Variants in MTHFSD observed in about 807,000 individuals in gnomAD.
MTHFSD encodes methenyltetrahydrofolate synthetase domain containing, also known as methenyltetrahydrofolate synthase domain-containing protein.
MTHFSD carries 37 observed loss-of-function variants against 31.1 expected under a neutral mutation model. That is an observed-to-expected ratio of 1.19 (90% CI 0.91 to 1.56). The LOEUF (loss-of-function observed/expected upper bound fraction) is 1.56, where lower values mean the gene tolerates loss of function less well. Ranked by LOEUF, MTHFSD falls within the 40% of genes most tolerant of loss-of-function variation. The pLI is 0.00. For synonymous variants in MTHFSD, 221 were observed against 206.9 expected (o/e 1.07, Z -0.59); for missense variants, 664 against 510.1 (o/e 1.30, Z -2.91).
Position 86,542,247 on chromosome 16 carries a change from G to A in MTHFSD, c.443-34C>T, listed in dbSNP as rs374890032. 49 of 1,560,426 alleles carry A rather than the reference G, an allele frequency of 3.1e-5. No homozygotes were observed. Among genetic ancestry groups the A allele is most frequent in the African/African-American group, 1.9e-4 (14 of 73,504 alleles). ...CAACCGAGAATCAGTATCGCTGTGCGGTCCGGGGCATCGCTGAGAAGTGGA... is the reference window on the plus strand; with the variant it reads ...CAACCGAGAATCAGTATCGCTGTGCAGTCCGGGGCATCGCTGAGAAGTGGA... On this transcript the variant is annotated intron_variant, in intron 5 of 7. Coordinates refer to ENST00000360900, the MANE Select transcript of MTHFSD (RefSeq NM_001159377.2). The surrounding 1 kb of genome is among the most constrained non-coding windows in gnomAD (Gnocchi z 4.6).
chr16:86,531,243 C>G lies in MTHFSD; in HGVS notation c.*768G>C, dbSNP rs1022526068. ...CTCAAGCTGGTTTTTAGAAACAGAA[C>G]TGGAGGAAAAAAACCCAGAAAACAT... On this transcript the variant is annotated 3_prime_UTR_variant, in exon 8 of 8. Coordinates refer to ENST00000360900, the MANE Select transcript of MTHFSD (RefSeq NM_001159377.2). The surrounding 1 kb of genome is among the most constrained non-coding windows in gnomAD (Gnocchi z 5.5). The G allele has an allele frequency of 6.6e-6, 1 of 152,186 alleles. No homozygotes were observed. Among genetic ancestry groups the G allele is most frequent in the African/African-American group, 2.4e-5 (1 of 41,436 alleles). 9.4% of individuals were successfully genotyped at this position (152,186 alleles called of 1,614,324 possible).
At chr16:86,547,522 T>C (rs900169775) in intron 4 of MTHFSD, 1 of 986,800 alleles carries the variant, frequency 1.0e-6, no homozygotes, top group Non-Finnish European at 1.2e-6. Flanking sequence ...CAGGAAACCC[T>C]GTGTTCTCAT....
rs2143249998 is a variant in MTHFSD at position 86,530,821 on chromosome 16, A to G, written c.*1190T>C. The G allele has an allele frequency of 6.6e-6, 1 of 152,320 alleles. No homozygotes were observed. The highest frequency in any genetic ancestry group is 2.1e-4 in the South Asian group (1 of 4,830). 9.4% of individuals were successfully genotyped at this position (152,320 alleles called of 1,614,324 possible). A position where few individuals can be genotyped will look rare whatever the true frequency, so the allele number is the denominator to read the frequency against. ...CAAGGACACAGAGGGCCGAGGGCCC[A>G]GGGCCAGGTGTGGCGCTTCCAGACG... is the stretch of plus-strand genomic sequence containing the variant. On this transcript the variant is annotated 3_prime_UTR_variant, in exon 8 of 8. Coordinates refer to ENST00000360900, the MANE Select transcript of MTHFSD (RefSeq NM_001159377.2).
chr16:86,554,915 C>G (rs1321880398), intron 1 of MTHFSD, 164 bp from the exon 2 acceptor site: 2 of 1,094,702 alleles, frequency 1.8e-6, no homozygotes, highest in East Asian at 2.6e-5. Context: ...CGGGCTCCCC[C>G]ACGTGCACGG....
chr16:86,553,786 C>G lies in MTHFSD; in HGVS notation c.123+859G>C, dbSNP rs116102095. 576 of 153,264 alleles carry G rather than the reference C, an allele frequency of 3.8e-3. 2 individuals carry two copies. Among genetic ancestry groups the G allele is most frequent in the African/African-American group, 0.013 (558 of 41,592 alleles). The allele number at this position is 153,264 out of a possible 1,614,324, so 9.5% of individuals were successfully genotyped here. ...GGCAGCTCCACCTGCAGCCCCAGTG[C>G]GGGATCTGCTGGGTGAAGTCAGCTG... On this transcript the variant is annotated intron_variant, in intron 2 of 7. Coordinates refer to ENST00000360900, the MANE Select transcript of MTHFSD (RefSeq NM_001159377.2).
chr16:86,544,286 C>A (rs929793232), intron 5 of MTHFSD, among the ~76,000 whole-genome samples: 1 of 152,110 alleles, frequency 6.6e-6, no homozygotes, highest in Admixed American at 6.5e-5. Context: ...TCAGAGTGAA[C>A]AGAGAACCTA....
chr16:86,551,048 G>A (rs1274980423), intron 3 of MTHFSD, among the ~76,000 whole-genome samples: 4 of 152,192 alleles, frequency 2.6e-5, no homozygotes, highest in East Asian at 1.9e-4. Flanking sequence ...TATCAGCTGC[G>A]ATTTGCTCCA....
At chr16:86,538,382 C>G (rs932380766) in intron 7 of MTHFSD, among the ~76,000 whole-genome samples, 2 of 152,170 alleles carry the variant, frequency 1.3e-5, no homozygotes, top group Non-Finnish European at 2.9e-5. Flanking sequence ...TGCTGCTGTC[C>G]AGGTGCTCAC....
rs1193011526 is a variant in MTHFSD, at chr16:86,542,318, C to T, written c.443-105G>A. 15 of 920,076 alleles carry T rather than the reference C, an allele frequency of 1.6e-5. No individual in the cohort carries two copies. The highest frequency in any genetic ancestry group is 1.4e-4 in the Admixed American group (5 of 36,864). The allele number at this position is 920,076 out of a possible 1,614,324, so 57.0% of individuals were successfully genotyped here. ...AAGAAGAAACTTGAACCCAATATCC[C>T]GAGCTAATCTATAGAAATTTTCACA... is the stretch of plus-strand genomic sequence containing the variant. On this transcript the variant is annotated intron_variant, in intron 5 of 7. Coordinates refer to ENST00000360900, the MANE Select transcript of MTHFSD (RefSeq NM_001159377.2). The surrounding 1 kb of genome is among the most constrained non-coding windows in gnomAD (Gnocchi z 4.6).
At chr16:86,547,545 T>G (rs1176518178) in intron 4 of MTHFSD, 1 of 987,286 alleles carries the variant, frequency 1.0e-6, no homozygotes, top group East Asian at 1.1e-4. Flanking sequence ...TCTCGCAGGG[T>G]CCACGGGGGC....
chr16:86,543,449 A>G (rs1480116951), intron 5 of MTHFSD, among the ~76,000 whole-genome samples: 1 of 152,206 alleles, frequency 6.6e-6, no homozygotes, highest in Non-Finnish European at 1.5e-5. Flanking sequence ...TCACTCCAAC[A>G]TGGTCTGTAA....
rs773272133 is a variant in MTHFSD, at chr16:86,554,744, G to A, written c.24C>T (p.Val8=). 1.2e-6 allele frequency: 2 copies of A among 1,612,362 alleles called. No homozygotes were observed. The highest frequency in any genetic ancestry group is 2.2e-5 in the East Asian group (1 of 44,862). The change falls in exon 2 of 8, where the codon GTC becomes GTT. Residue 8 remains valine (V), a synonymous_variant. Coordinates refer to ENST00000360900, the MANE Select transcript of MTHFSD (RefSeq NM_001159377.2). Reference sequence around the variant, plus strand: ...TTTGTTCACGTATGTCCTGTTTGGAGACACCTACTGCAACAAAAGATTCCC... The same window carrying A: ...TTTGTTCACGTATGTCCTGTTTGGAAACACCTACTGCAACAAAAGATTCCC... The part of the protein sequence containing the change: MEPRAVG[V]SKQDIREQIW...
In MTHFSD at chr16:86,541,725, G is replaced by C; in HGVS notation, c.653C>G (p.Pro218Arg). 6.2e-7 allele frequency: 1 copy of C among 1,613,874 alleles called. No individual in the cohort carries two copies. The highest frequency in any genetic ancestry group is 1.1e-5 in the South Asian group (1 of 90,924). Residue 218 changes from proline to arginine, a missense_variant, in exon 7 of 8, where the codon CCA becomes CGA. Transcript: ENST00000360900. Reference sequence around the variant, plus strand: ...GAACCAGGTGATTCCCATTGGCTTTGGGCGCTTGCAGCCTGTGGCGATGAC... The same window carrying C: ...GAACCAGGTGATTCCCATTGGCTTTCGGCGCTTGCAGCCTGTGGCGATGAC... ...TRVIATGCKR[P>R]KPMGITWFKI...
chr16:86,542,260 G>C lies in MTHFSD; in HGVS notation c.443-47C>G, dbSNP rs540180596. The C allele has an allele frequency of 1.3e-6, 2 of 1,485,988 alleles. No individual in the cohort carries two copies. Among genetic ancestry groups the C allele is most frequent in the South Asian group, 2.3e-5 (2 of 86,494 alleles). 92.1% of individuals were successfully genotyped at this position (1,485,988 alleles called of 1,614,324 possible). A position where few individuals can be genotyped will look rare whatever the true frequency, so the allele number is the denominator to read the frequency against. The stretch of plus-strand genomic sequence containing the variant: ...GTATCGCTGTGCGGTCCGGGGCATC[G>C]CTGAGAAGTGGATTTTCCATCAGGT... On this transcript the variant is annotated intron_variant, in intron 5 of 7. Coordinates refer to ENST00000360900, the MANE Select transcript of MTHFSD (RefSeq NM_001159377.2). This position sits in a 1 kb window ranked among gnomAD's most constrained non-coding sequence, Gnocchi z 4.6.
intron 7 of MTHFSD, chr16:86,541,178 C>T (rs1971455657): frequency 1.6e-6 from 2 of 1,289,546 alleles, no homozygotes; most frequent in Non-Finnish European, 2.0e-6. Context: ...GACTAATTTG[C>T]AACCTGTGCC....
At chr16:86,541,527 C>A (rs1971512970) in intron 7 of MTHFSD, 170 bp downstream of exon 7, 2 of 888,660 alleles carry the variant, frequency 2.3e-6, no homozygotes, top group Non-Finnish European at 1.7e-6. Context: ...GATTCTTAGG[C>A]CTGGGCCTGG....
intron 4 of MTHFSD, 128 bp from the exon 5 acceptor site, chr16:86,546,777 C>T (rs188008464): frequency 1.3e-6 from 1 of 749,796 alleles, no homozygotes; most frequent in East Asian, 2.7e-5. Flanking sequence ...ACACGCAACA[C>T]CGGAGATGTG....
At position 86,555,162 on chromosome 16, in the gene MTHFSD, C is replaced by G; in HGVS notation, c.16+7G>C. On this transcript the variant is annotated splice_region_variant and intron_variant, in intron 1 of 7. Transcript: ENST00000360900. ...CAGCCGCCCCGGAGCCCCGCCAGGCCCCCCACCTGCCCTCGGCTCCATGGT... is the reference window on the plus strand; with the variant it reads ...CAGCCGCCCCGGAGCCCCGCCAGGCGCCCCACCTGCCCTCGGCTCCATGGT... 6.5e-7 allele frequency: 1 copy of G among 1,536,528 alleles called. No homozygotes were observed. The highest frequency in any genetic ancestry group is 8.7e-7 in the Non-Finnish European group (1 of 1,146,174).
chr16:86,541,983 C>A, intron 6 of MTHFSD, 118 bp downstream of exon 6: 1 of 1,334,990 alleles, frequency 7.5e-7, no homozygotes, highest in East Asian at 2.4e-5. Context: ...CCAGCCCTGG[C>A]TGATCCACAC....
Sources: gnomAD v4.1 joint callset for allele counts (sites outside exome capture counted in the v4.1 genomes callset) on GRCh38, gnomAD v4.1.1 for gene constraint, Gnocchi (gnomAD v3.1) non-coding constraint, MANE v1.5 for transcripts, NCBI Gene and HGNC (gene_info 2026-07-23, HGNC 2026-07-21) for gene names.